The following PER3 variants were observed in gnomAD, a reference collection of about 807,000 sequenced individuals.
PER3 encodes period circadian protein homolog 3.
In PER3, 107 loss-of-function variants were observed where a neutral mutation model predicts 127.2. The ratio of observed to expected loss-of-function variants is 0.84; its 90% CI spans 0.72 to 0.99. The LOEUF (loss-of-function observed/expected upper bound fraction) is 0.99, where lower values mean the gene tolerates loss of function less well. Ranked by LOEUF, PER3 falls within the 50% of genes least tolerant of loss-of-function variation. The pLI, the probability that PER3 is intolerant of heterozygous loss-of-function variation, is 0.00. For missense variants in PER3, 1,560 were observed against 1,525.8 expected, an observed-to-expected ratio of 1.02 and a Z score of -0.37; for synonymous variants, 618 against 585.8, an observed-to-expected ratio of 1.05 and a Z score of -0.79.
rs764727295 is a variant in PER3 at position 7,826,836 on chromosome 1, A to C, written c.2188+126A>C. 11 of 658,154 alleles carry C rather than the reference A, an allele frequency of 1.7e-5. No individual in the cohort carries two copies. Among genetic ancestry groups the C allele is most frequent in the Non-Finnish European group, 2.9e-5 (11 of 379,564 alleles). The allele number at this position is 658,154 out of a possible 1,614,324, so 40.8% of individuals were successfully genotyped here. On this transcript the variant is annotated intron_variant, in intron 17 of 21. Transcript: ENST00000377532. The surrounding 1 kb of genome is among the most constrained non-coding windows in gnomAD (Gnocchi z 4.2). The stretch of plus-strand genomic sequence containing the variant: ...GTAAGAAACTGATGGAGAGATGCTG[A>C]AACAATCTATTTACATCAACAGTTT...
At chr1:7,812,314 AT>A (rs1577797519) in intron 13 of PER3, among the ~76,000 whole-genome samples, 1 of 152,002 alleles carries the variant, frequency 6.6e-6, no homozygotes, top group African/African-American at 2.4e-5. Flanking sequence ...ATATTCCATC[AT>A]TCACTTTTTA....
In PER3 at chr1:7,843,273, TCACAA is replaced by T. The variant is rs2097399495; in HGVS notation, c.*523_*527del. The stretch of plus-strand genomic sequence containing the variant: ...ATTAAGATGAAACATTCCGGTTTTC[TCACAA>T]CACATTAGCACATACTGTCCATTAG... On this transcript the variant is annotated 3_prime_UTR_variant, in exon 22 of 22. Coordinates refer to ENST00000377532, the MANE Select transcript of PER3 (RefSeq NM_001377275.1). The T allele has an allele frequency of 2.0e-5, 3 of 153,184 alleles. No individual in the cohort carries two copies. The highest frequency in any genetic ancestry group is 2.0e-4 in the Admixed American group (3 of 15,332). 9.5% of individuals were successfully genotyped at this position (153,184 alleles called of 1,614,324 possible).
intron 2 of PER3, 53 bp from the exon 3 acceptor site, chr1:7,785,388 C>G (rs1301815608): frequency 2.7e-6 from 4 of 1,462,128 alleles, no homozygotes; most frequent in Non-Finnish European, 3.8e-6. Flanking sequence ...CCCTAAGCCG[C>G]AAGATGCTGT....
intron 6 of PER3, among the ~76,000 whole-genome samples, chr1:7,796,621 C>T (rs1395637922): frequency 6.6e-6 from 1 of 151,784 alleles, no homozygotes; most frequent in East Asian, 1.9e-4. Flanking sequence ...GGCCCGGAAA[C>T]AGTTTCCAAT....
intron 19 of PER3, among the ~76,000 whole-genome samples, chr1:7,834,891 G>A (rs571262128): frequency 4.6e-5 from 7 of 152,244 alleles, no homozygotes; most frequent in Admixed American, 1.3e-4. Context: ...GGTTCTAGAA[G>A]GGTCAAATGC....
At position 7,786,644 on chromosome 1, in the gene PER3, A is replaced by G. The variant is rs934317168; in HGVS notation, c.275-77A>G. 5.2e-6 allele frequency: 4 copies of G among 766,292 alleles called. No individual in the cohort carries two copies. The African/African-American group carries it at 6.9e-5, about 13-fold the overall frequency. The allele number at this position is 766,292 out of a possible 1,614,324, so 47.5% of individuals were successfully genotyped here. A position where few individuals can be genotyped will look rare whatever the true frequency, so the allele number is the denominator to read the frequency against. On this transcript the variant is annotated intron_variant, in intron 3 of 21. Coordinates refer to ENST00000377532, the MANE Select transcript of PER3 (RefSeq NM_001377275.1). ...TGTTCTCATCCGAAAAAAATAATCC[A>G]GCTTGATAGTGATGAAATGGTTTCC...
At position 7,784,775 on chromosome 1, in the gene PER3, G is replaced by A; in HGVS notation, c.-103G>A. On this transcript the variant is annotated 5_prime_UTR_variant, in exon 2 of 22. Coordinates refer to ENST00000377532, the MANE Select transcript of PER3 (RefSeq NM_001377275.1). ...GCCTGTTCTCACTAACGCCATGGCG[G>A]GGACCGGAGTGAGAAACCGGTGTCT... is the stretch of plus-strand genomic sequence containing the variant. 8.1e-7 allele frequency: 1 copy of A among 1,237,496 alleles called. No homozygotes were observed. The highest frequency in any genetic ancestry group is 1.0e-6 in the Non-Finnish European group (1 of 953,278). 76.7% of individuals were successfully genotyped at this position (1,237,496 alleles called of 1,614,324 possible). A position where few individuals can be genotyped will look rare whatever the true frequency, so the allele number is the denominator to read the frequency against.
At chr1:7,801,864 GA>G (rs1363463936) in intron 8 of PER3, among the ~76,000 whole-genome samples, 1 of 151,882 alleles carries the variant, frequency 6.6e-6, no homozygotes, top group African/African-American at 2.4e-5. Context: ...ACTTACTCAT[GA>G]AATTCAAAAA....
chr1:7,817,158 A>G (rs1265923261), intron 13 of PER3, among the ~76,000 whole-genome samples: 1 of 152,222 alleles, frequency 6.6e-6, no homozygotes, highest in African/African-American at 2.4e-5. Context: ...TTGGGTAGAG[A>G]AGGAGGTGAC....
chr1:7,829,770 G>C, intron 18 of PER3, 64 bp from the exon 19 acceptor site: 1 of 1,336,544 alleles, frequency 7.5e-7, no homozygotes, highest in Admixed American at 1.8e-5. Context: ...CATGAATAAA[G>C]GAGGACTACT....
intron 5 of PER3, among the ~76,000 whole-genome samples, chr1:7,792,995 T>C (rs2097128836): frequency 6.6e-6 from 1 of 152,238 alleles, no homozygotes; most frequent in African/African-American, 2.4e-5. Flanking sequence ...TAGAAGATTA[T>C]ACCAATCTTC....
In PER3 at chr1:7,823,885, C is replaced by T. The variant is rs563904275; in HGVS notation, c.1958-2595C>T. 6.6e-5 allele frequency among the ~76,000 whole-genome samples: 10 copies of T among 152,198 alleles called. No homozygotes were observed. In the South Asian group the frequency reaches 1.5e-3, roughly 22 times the overall value. ...CACACAGTATGTTCACTGAGAAATA[C>T]GACATGTTGGGCTGTACTATGTCTC... On this transcript the variant is annotated intron_variant, in intron 16 of 21. Coordinates refer to ENST00000377532, the MANE Select transcript of PER3 (RefSeq NM_001377275.1).
Position 7,822,556 on chromosome 1 carries a change from A to C in PER3, c.1957+1916A>C, listed in dbSNP as rs559604917. ...GCGTGAGCCACAGCGTCCAGCCCTA[A>C]AATAATTTTTTAAAAGATGGAATAT... On this transcript the variant is annotated intron_variant, in intron 16 of 21. Coordinates refer to ENST00000377532, the MANE Select transcript of PER3 (RefSeq NM_001377275.1). 1.6e-4 allele frequency among the ~76,000 whole-genome samples: 25 copies of C among 152,228 alleles called. No individual in the cohort carries two copies. In the East Asian group the frequency reaches 4.4e-3, roughly 27 times the overall value.
At chr1:7,785,658 A>G (rs748160733) in intron 3 of PER3, 72 bp downstream of exon 3, 6 of 1,300,398 alleles carry the variant, frequency 4.6e-6, no homozygotes, top group Non-Finnish European at 6.5e-6. Context: ...AGGAGTGGTC[A>G]GTGGGGTCTC....
intron 6 of PER3, among the ~76,000 whole-genome samples, chr1:7,794,210 T>C (rs1267523373): frequency 2.0e-5 from 3 of 152,126 alleles, no homozygotes; most frequent in African/African-American, 7.2e-5. Flanking sequence ...AATAGGAGGC[T>C]GGGCACAGTG....
At position 7,829,823 on chromosome 1, in the gene PER3, T is replaced by G. The variant is rs752924688; in HGVS notation, c.2887-11T>G. On this transcript the variant is annotated splice_polypyrimidine_tract_variant and intron_variant, in intron 18 of 21. Coordinates refer to ENST00000377532, the MANE Select transcript of PER3 (RefSeq NM_001377275.1). ...GATTAAAGTGTCTTTTCATGTGCCCTTACTTTCTAGCAGTGTGTTACAGGC... is the reference window on the plus strand; with the variant it reads ...GATTAAAGTGTCTTTTCATGTGCCCGTACTTTCTAGCAGTGTGTTACAGGC... 9 of 1,602,126 alleles carry G rather than the reference T, an allele frequency of 5.6e-6. No homozygotes were observed. Among genetic ancestry groups the G allele is most frequent in the Non-Finnish European group, 6.8e-6 (8 of 1,169,598 alleles).
At chr1:7,793,161 C>T (rs1205717062) in intron 5 of PER3, among the ~76,000 whole-genome samples, 1 of 152,162 alleles carries the variant, frequency 6.6e-6, no homozygotes, top group African/African-American at 2.4e-5. Context: ...TCCATGGTTC[C>T]TATAACTGAA....
chr1:7,791,731 A>G (rs767750306), intron 5 of PER3, among the ~76,000 whole-genome samples: 2 of 152,208 alleles, frequency 1.3e-5, no homozygotes, highest in African/African-American at 2.4e-5. Context: ...TTCTTCCGTC[A>G]GATACCTAAA....
intron 10 of PER3, among the ~76,000 whole-genome samples, chr1:7,805,842 T>C (rs533079761): frequency 4.6e-5 from 7 of 152,284 alleles, no homozygotes; most frequent in African/African-American, 1.2e-4. Context: ...TGATGAAATA[T>C]ATGTGAAATT....
Sources: gnomAD v4.1 joint callset for allele counts (sites outside exome capture counted in the v4.1 genomes callset) on GRCh38, gnomAD v4.1.1 for gene constraint, Gnocchi (gnomAD v3.1) non-coding constraint, MANE v1.5 for transcripts, NCBI Gene and HGNC (gene_info 2026-07-23, HGNC 2026-07-21) for gene names.